Variants in SLC37A3 observed in about 807,000 individuals in gnomAD.
SLC37A3 encodes the protein solute carrier family 37 member 3.
In SLC37A3, 51 loss-of-function variants were observed where a neutral mutation model predicts 67.1. That is an observed-to-expected ratio of 0.76 (90% CI 0.61 to 0.96). SLC37A3 has a LOEUF of 0.96. SLC37A3 is among the 40% of genes least tolerant of loss of function. SLC37A3 has a pLI of 0.00. For missense variants in SLC37A3, 508 were observed against 603.0 expected, an observed-to-expected ratio of 0.84 and a Z score of 1.65; for synonymous variants, 214 against 231.4, an observed-to-expected ratio of 0.92 and a Z score of 0.68.
At chr7:140,358,598 A>C (rs750726033) in intron 6 of SLC37A3, 42 bp downstream of exon 6, 3 of 1,609,494 alleles carry the variant, frequency 1.9e-6, no homozygotes, top group Non-Finnish European at 2.5e-6. Flanking sequence ...CACCATGGAA[A>C]CCACTTAAAC....
intron 3 of SLC37A3, among the ~76,000 whole-genome samples, chr7:140,378,991 G>A (rs1798142292): frequency 6.6e-6 from 1 of 152,040 alleles, no homozygotes. Context: ...AGGTTGCAGT[G>A]AGCCGAGATC....
chr7:140,357,398 A>G (rs1797073101), intron 6 of SLC37A3, among the ~76,000 whole-genome samples: 1 of 152,124 alleles, frequency 6.6e-6, no homozygotes, highest in African/African-American at 2.4e-5. Context: ...CCACAGGTGA[A>G]TGAATAAACA....
intron 3 of SLC37A3, among the ~76,000 whole-genome samples, chr7:140,377,237 T>A (rs1307356338): frequency 1.3e-5 from 2 of 151,734 alleles, no homozygotes; most frequent in African/African-American, 4.8e-5. Context: ...GTTTTTGTTT[T>A]CATTTTTGTA....
At chr7:140,381,260 T>A in intron 2 of SLC37A3, among the ~76,000 whole-genome samples, 1 of 149,222 alleles carries the variant, frequency 6.7e-6, no homozygotes, top group Non-Finnish European at 1.5e-5. Context: ...ACGCCTATAG[T>A]CCCAGCACTT....
At chr7:140,357,582 A>G (rs1797082554) in intron 6 of SLC37A3, among the ~76,000 whole-genome samples, 1 of 150,322 alleles carries the variant, frequency 6.7e-6, no homozygotes, top group Admixed American at 6.6e-5. Flanking sequence ...AAAAAAAAAG[A>G]TGACTCAAAA....
chr7:140,391,481 G>A (rs987611921), intron 1 of SLC37A3, among the ~76,000 whole-genome samples: 15 of 152,170 alleles, frequency 9.9e-5, no homozygotes, highest in East Asian at 5.8e-4. Context: ...ACTTAAAACC[G>A]GGAGGCAGAG....
intron 13 of SLC37A3, among the ~76,000 whole-genome samples, chr7:140,339,838 G>A (rs544575224): frequency 2.4e-4 from 36 of 151,186 alleles, no homozygotes; most frequent in East Asian, 2.3e-3. Context: ...CCGGGTTCAC[G>A]CCATTCTCCT....
chr7:140,375,035 A>G (rs1434042187), intron 3 of SLC37A3, among the ~76,000 whole-genome samples: 1 of 130,500 alleles, frequency 7.7e-6, no homozygotes, highest in Non-Finnish European at 1.7e-5. Context: ...GGTCCCAGCT[A>G]CTTGGGAGGC....
chr7:140,348,860 A>G (rs1199913869), intron 9 of SLC37A3, 93 bp from the exon 10 acceptor site: 7 of 1,480,074 alleles, frequency 4.7e-6, no homozygotes, highest in East Asian at 2.3e-5. Context: ...AAAATAAAGG[A>G]AGTTAGGATG....
intron 1 of SLC37A3, among the ~76,000 whole-genome samples, chr7:140,384,054 G>A (rs1798355015): frequency 6.6e-6 from 1 of 152,114 alleles, no homozygotes; most frequent in Non-Finnish European, 1.5e-5. Flanking sequence ...TACGCATAAA[G>A]TAAGCAGCTA....
chr7:140,341,753 T>C (rs991473453), intron 13 of SLC37A3, among the ~76,000 whole-genome samples: 10 of 152,158 alleles, frequency 6.6e-5, no homozygotes, highest in African/African-American at 2.4e-4. Flanking sequence ...GCAAATTCTC[T>C]GAAATACTCA....
At chr7:140,372,041 G>A (rs1032087086) in intron 3 of SLC37A3, among the ~76,000 whole-genome samples, 18 of 151,912 alleles carry the variant, frequency 1.2e-4, no homozygotes, top group African/African-American at 4.1e-4. Context: ...TAGTAGAGAC[G>A]GGGTTTCACC....
intron 10 of SLC37A3, 120 bp from the exon 11 acceptor site, chr7:140,346,090 T>C: frequency 1.4e-6 from 1 of 724,728 alleles, no homozygotes; most frequent in Non-Finnish European, 2.5e-6. Flanking sequence ...TATCAAAAAA[T>C]ATGGCTGGGC....
intron 6 of SLC37A3, 123 bp downstream of exon 6, chr7:140,358,517 G>T: frequency 7.4e-7 from 1 of 1,348,230 alleles, no homozygotes; most frequent in Non-Finnish European, 1.0e-6. Context: ...GAACAACTCT[G>T]ACTTGCTAAC....
At chr7:140,389,726 G>A (rs995261499) in intron 1 of SLC37A3, among the ~76,000 whole-genome samples, 1 of 152,146 alleles carries the variant, frequency 6.6e-6, no homozygotes, top group African/African-American at 2.4e-5. Flanking sequence ...AACACGTCCA[G>A]GTGGAAGGCA....
intron 1 of SLC37A3, among the ~76,000 whole-genome samples, chr7:140,390,548 C>T (rs1416838581): frequency 6.6e-6 from 1 of 152,140 alleles, no homozygotes; most frequent in Non-Finnish European, 1.5e-5. Flanking sequence ...TTCTTTGAAA[C>T]TCACACCTTG....
At chr7:140,363,575 C>A in intron 5 of SLC37A3, among the ~76,000 whole-genome samples, 1 of 131,358 alleles carries the variant, frequency 7.6e-6, no homozygotes. Flanking sequence ...GCAGGGTCCT[C>A]TGCCTAGGAA....
chr7:140,363,740 CAAAAAAAA>C (rs71170980), intron 5 of SLC37A3, among the ~76,000 whole-genome samples: 2 of 107,862 alleles, frequency 1.9e-5, no homozygotes, highest in African/African-American at 3.6e-5. Context: ...AACTCCGCCT[CAAAAAAAA>C]AAAAAAAAAA....
intron 5 of SLC37A3, among the ~76,000 whole-genome samples, chr7:140,363,156 A>G (rs1797435104): frequency 9.7e-5 from 8 of 82,840 alleles, no homozygotes; most frequent in Middle Eastern, 6.8e-3. Flanking sequence ...GGAAGTGAGG[A>G]GCCCCTCTGC....
Sources: allele counts gnomAD v4.1 joint callset (sites outside exome capture counted in the v4.1 genomes callset), GRCh38; gene constraint gnomAD v4.1.1; transcripts MANE v1.5; gene names NCBI Gene and HGNC (gene_info 2026-07-23, HGNC 2026-07-21).